The following ASPM variants were observed in gnomAD, a reference collection of about 807,000 sequenced individuals.
The protein encoded by ASPM is assembly factor for spindle microtubules.
ASPM carries 256 observed loss-of-function variants against 366.4 expected under a neutral mutation model. The observed-to-expected ratio is 0.70, with a 90% CI of 0.63 to 0.77. ASPM has a LOEUF of 0.77. Ranked by LOEUF, ASPM falls within the 30% of genes least tolerant of loss-of-function variation. The probability of loss-of-function intolerance (pLI) is 0.00; values close to 1 mark genes in which losing one functional copy is unlikely to be tolerated. For synonymous variants in ASPM, 1,414 were observed against 1,342.9 expected (o/e 1.05, Z -1.16); for missense variants, 4,146 against 4,090.4 (o/e 1.01, Z -0.37).
chr1:197,137,858 T>C (rs1454411904), intron 4 of ASPM, among the ~76,000 whole-genome samples: 8 of 152,210 alleles, frequency 5.3e-5, no homozygotes, highest in Non-Finnish European at 1.0e-4. Context: ...ATGCAACTCA[T>C]GGCTTCTCAT....
At chr1:197,139,409 A>G in intron 4 of ASPM, 1 of 561,752 alleles carries the variant, frequency 1.8e-6, no homozygotes, top group South Asian at 2.1e-5. Flanking sequence ...ACCCCGGCCA[A>G]CACGGTGAAA....
At chr1:197,139,679 C>G in intron 4 of ASPM, 88 bp downstream of exon 4, 3 of 1,072,510 alleles carry the variant, frequency 2.8e-6, no homozygotes, top group Non-Finnish European at 4.3e-6. Context: ...TATTCAACAA[C>G]AAAAATCAAT....
chr1:197,123,775 C>T (rs1571615723), intron 13 of ASPM, among the ~76,000 whole-genome samples: 1 of 152,142 alleles, frequency 6.6e-6, no homozygotes, highest in Non-Finnish European at 1.5e-5. Flanking sequence ...GTGGTAAGTT[C>T]TTAGTTGTCC....
chr1:197,132,964 G>C (rs185384736), intron 6 of ASPM, among the ~76,000 whole-genome samples: 1 of 152,044 alleles, frequency 6.6e-6, no homozygotes, highest in African/African-American at 2.4e-5. Flanking sequence ...GGTTGCCAGA[G>C]AATGGGGTAG....
At position 197,102,809 on chromosome 1, in the gene ASPM, C is replaced by T. The variant is rs1438018286; in HGVS notation, c.6442G>A (p.Val2148Ile). 5.0e-6 allele frequency: 8 copies of T among 1,612,250 alleles called. No homozygotes were observed. Among genetic ancestry groups the T allele is most frequent in the Admixed American group, 1.7e-5 (1 of 59,802 alleles). The change falls in exon 18 of 28, where the codon GTA becomes ATA. Residue 2148 changes from valine to isoleucine, a missense_variant. Transcript: ENST00000367409. ...TMRKAAIVIQ[V>I]RCRAYYQGKM... is the part of the protein sequence containing the mutation. ...CCTTGATAATATGCTCTACATCTTA[C>T]TTGAATAACAATAGCTGCTTTTCTC...
intron 16 of ASPM, among the ~76,000 whole-genome samples, chr1:197,120,818 A>G (rs965836574): frequency 4.6e-5 from 7 of 152,126 alleles, no homozygotes; most frequent in African/African-American, 1.7e-4. Flanking sequence ...GGGGCACTAT[A>G]GGGCACACAG....
chr1:197,140,069 C>T (rs916343924), intron 3 of ASPM, among the ~76,000 whole-genome samples, 198 bp from the exon 4 acceptor site: 31 of 152,212 alleles, frequency 2.0e-4, no homozygotes. Flanking sequence ...AGACCATAAA[C>T]CACAATTTAT....
chr1:197,139,295 G>C, intron 4 of ASPM: 2 of 895,488 alleles, frequency 2.2e-6, no homozygotes, highest in South Asian at 2.6e-5. Flanking sequence ...CCACAGCAAA[G>C]GATAACAGCC....
chr1:197,135,196 A>G lies in ASPM; in HGVS notation c.2073T>C (p.Tyr691=), dbSNP rs896563312. 6.2e-7 allele frequency: 1 copy of G among 1,614,038 alleles called. No individual in the cohort carries two copies. Among genetic ancestry groups the G allele is most frequent in the Admixed American group, 1.7e-5 (1 of 60,020 alleles). The part of the protein sequence containing the change: ...PMPFAAKNMF[Y]DERWKEKQEQ... Reference sequence around the variant, plus strand: ...CCTGCTTTTCCTTCCAGCGTTCATCATAAAACATGTTTTTTGCAGCAAATG... The same window carrying G: ...CCTGCTTTTCCTTCCAGCGTTCATCGTAAAACATGTTTTTTGCAGCAAATG... Residue 691 remains tyrosine, a synonymous_variant, in exon 5 of 28, where the codon TAT becomes TAC. Coordinates refer to ENST00000367409, the MANE Select transcript of ASPM (RefSeq NM_018136.5).
intron 1 of ASPM, 31 bp downstream of exon 1, chr1:197,146,110 C>A (rs571336022): frequency 6.2e-7 from 1 of 1,613,552 alleles, no homozygotes; most frequent in South Asian, 1.1e-5. Flanking sequence ...AGCAGAACAC[C>A]GGCCTGGAGC....
rs751020979 is a variant in ASPM at position 197,105,184 on chromosome 1, C to A, written c.4067G>T (p.Gly1356Val). The A allele has an allele frequency of 4.4e-6, 7 of 1,600,802 alleles. No individual in the cohort carries two copies. Among genetic ancestry groups the A allele is most frequent in the African/African-American group, 1.3e-5 (1 of 74,490 alleles). Residue 1356 changes from glycine to valine, a missense_variant and splice_region_variant, in exon 18 of 28, where the codon GGA becomes GTA. Physicochemically the swap from Gly to Val is moderately radical, Grantham distance 109. This residue lies in a region of ASPM where 3,624 missense variants were observed against 3,591.7 expected (regional missense o/e 1.01). Transcript: ENST00000367409. ...TCTAGTGGAATATCTTCTCCAATAT[C>A]CCTGGAAAAGGTAAGAAAGGACACA... is the stretch of plus-strand genomic sequence containing the variant. ...VQNKAASLIQ[G>V]YWRRYSTRQR...
rs763580253 is a variant in ASPM at position 197,114,795 on chromosome 1, C to T, written c.4065+2994G>A. Among the ~76,000 whole-genome samples, 4 of 152,294 alleles carry T rather than the reference C, an allele frequency of 2.6e-5. No homozygotes were observed. The Middle Eastern group carries it at 0.01, about 389-fold the overall frequency. ...ACGGAGTCTCGCTCTGTCACCAAGG[C>T]TGAAGTGCAATGACGTGATCTCGGC... On this transcript the variant is annotated intron_variant, in intron 17 of 27. Coordinates refer to ENST00000367409, the MANE Select transcript of ASPM (RefSeq NM_018136.5).
Position 197,100,626 on chromosome 1 carries a change from G to A in ASPM, c.8625C>T (p.Thr2875=), listed in dbSNP as rs777899411. 6.2e-7 allele frequency: 1 copy of A among 1,611,956 alleles called. No individual in the cohort carries two copies. The highest frequency in any genetic ancestry group is 8.5e-7 in the Non-Finnish European group (1 of 1,178,864). Residue 2875 remains threonine (T), a synonymous_variant, in exon 18 of 28, where the codon ACC becomes ACT. Coordinates refer to ENST00000367409, the MANE Select transcript of ASPM (RefSeq NM_018136.5). ...TLQHYFRTWQ[T]RKQFLLYRKA... The stretch of plus-strand genomic sequence containing the variant: ...TTCTATATAGTAAAAACTGTTTTCT[G>A]GTTTGCCACGTCCTAAAATAATGCT...
intron 17 of ASPM, among the ~76,000 whole-genome samples, chr1:197,106,581 T>C (rs1657418241): frequency 6.6e-6 from 1 of 152,056 alleles, no homozygotes; most frequent in Non-Finnish European, 1.5e-5. Context: ...CTATTACTAC[T>C]CCATTACTGA....
intron 1 of ASPM, 129 bp from the exon 2 acceptor site, chr1:197,144,229 A>G: frequency 1.6e-6 from 1 of 630,152 alleles, no homozygotes; most frequent in East Asian, 2.9e-5. Context: ...TAAACATTTA[A>G]TAAATCAAAT....
intron 17 of ASPM, among the ~76,000 whole-genome samples, chr1:197,111,715 GT>G (rs1193281518): frequency 6.6e-6 from 1 of 151,888 alleles, no homozygotes; most frequent in Non-Finnish European, 1.5e-5. Flanking sequence ...AGAAAATGTG[GT>G]ACACACACAC....
chr1:197,091,059 TTTTG>T lies in ASPM; in HGVS notation c.9445-22_9445-19del, dbSNP rs1481964322. The T allele has an allele frequency of 6.3e-7, 1 of 1,590,930 alleles. No homozygotes were observed. The highest frequency in any genetic ancestry group is 8.6e-7 in the Non-Finnish European group (1 of 1,162,264). On this transcript the variant is annotated intron_variant, in intron 22 of 27. Coordinates refer to ENST00000367409, the MANE Select transcript of ASPM (RefSeq NM_018136.5). The stretch of plus-strand genomic sequence containing the variant: ...AACCATCTCTGTTTAAAACATAGAA[TTTTG>T]TTTTTCATTTCTACTTCAGGTTTTT...
intron 3 of ASPM, among the ~76,000 whole-genome samples, chr1:197,141,200 A>T (rs1366746954): frequency 6.6e-6 from 1 of 152,164 alleles, no homozygotes; most frequent in Non-Finnish European, 1.5e-5. Context: ...AAAAATGAAA[A>T]TAATAATATT....
At position 197,144,038 on chromosome 1, in the gene ASPM, C is replaced by G. The variant is rs527812890; in HGVS notation, c.360G>C (p.Glu120Asp). The change falls in exon 2 of 28, where the codon GAG (glutamate) becomes GAC (aspartate). Residue 120 changes from glutamate to aspartate, a missense_variant. Around this residue, in one of 3 missense-constraint regions of ASPM, gnomAD observed 512 missense variants for 471.7 expected, o/e 1.09. Transcript: ENST00000367409. ...WTPLKEGRVR[E>D]IMTFLVNDVL... is the part of the protein sequence containing the mutation. ...CATCATTTACAAGAAATGTCATAATCTCTCTTACTCGGCCTTCTTTGAGTG... is the reference window on the plus strand; with the variant it reads ...CATCATTTACAAGAAATGTCATAATGTCTCTTACTCGGCCTTCTTTGAGTG... The G allele has an allele frequency of 1.2e-6, 2 of 1,610,816 alleles. No homozygotes were observed. The highest frequency in any genetic ancestry group is 2.7e-5 in the African/African-American group (2 of 74,922).
Sources: allele counts gnomAD v4.1 joint callset (sites outside exome capture counted in the v4.1 genomes callset), GRCh38; gene constraint gnomAD v4.1.1; regional missense constraint gnomAD v4.1.1; transcripts MANE v1.5; gene names NCBI Gene and HGNC (gene_info 2026-07-23, HGNC 2026-07-21).